DOCK8: variants seen among roughly 807,000 people sequenced by gnomAD.
DOCK8 encodes the protein dedicator of cytokinesis 8, also known as dedicator of cytokinesis protein 8.
DOCK8 carries 141 observed loss-of-function variants against 245.6 expected under a neutral mutation model. The ratio of observed to expected loss-of-function variants is 0.57; its 90% CI spans 0.50 to 0.66. DOCK8 has a LOEUF of 0.66. DOCK8 is among the 30% of genes least tolerant of loss of function. DOCK8 has a pLI of 0.00. For missense variants in DOCK8, 2,965 were observed against 2,603.4 expected (o/e 1.14, Z -3.02); for synonymous variants, 1,168 against 970.2 (o/e 1.20, Z -3.79).
At chr9:223,927 G>T (rs916951692) in intron 1 of DOCK8, among the ~76,000 whole-genome samples, 2 of 152,008 alleles carry the variant, frequency 1.3e-5, no homozygotes, top group Non-Finnish European at 2.9e-5. Context: ...ACAATATATG[G>T]TATAGCTTCT....
chr9:324,493 T>TA (rs1244085819), intron 7 of DOCK8, among the ~76,000 whole-genome samples: 1 of 152,166 alleles, frequency 6.6e-6, no homozygotes, highest in Non-Finnish European at 1.5e-5. Flanking sequence ...TCCACCAAGA[T>TA]ACTAAAGGCA....
chr9:227,698 G>C (rs1296338696), intron 1 of DOCK8, among the ~76,000 whole-genome samples: 1 of 152,160 alleles, frequency 6.6e-6, no homozygotes, highest in Non-Finnish European at 1.5e-5. Context: ...GGCATCAGTG[G>C]TAGGTCAGCA....
At chr9:451,250 G>A (rs1367446457) in intron 45 of DOCK8, among the ~76,000 whole-genome samples, 2 of 152,048 alleles carry the variant, frequency 1.3e-5, no homozygotes, top group African/African-American at 4.8e-5. Flanking sequence ...GGTGGAGGTT[G>A]TAGTGAGCTG....
intron 16 of DOCK8, 122 bp from the exon 17 acceptor site, chr9:371,301 AGTAAT>A: frequency 1.9e-6 from 2 of 1,062,936 alleles, no homozygotes; most frequent in South Asian, 2.6e-5. Flanking sequence ...TTCAGAGCAG[AGTAAT>A]GTAAAATGAA....
chr9:395,112 G>T (rs1175066216), intron 24 of DOCK8, among the ~76,000 whole-genome samples: 1 of 152,112 alleles, frequency 6.6e-6, no homozygotes, highest in East Asian at 1.9e-4. Context: ...GGACAAAAAT[G>T]GGTCCAGTTC....
intron 7 of DOCK8, among the ~76,000 whole-genome samples, 175 bp downstream of exon 7, chr9:317,303 T>C (rs2050389249): frequency 6.6e-6 from 1 of 152,210 alleles, no homozygotes; most frequent in Non-Finnish European, 1.5e-5. Flanking sequence ...GGATTTTTTT[T>C]CTACCAACTT....
intron 12 of DOCK8, among the ~76,000 whole-genome samples, chr9:337,557 C>T (rs547902687): frequency 9.9e-5 from 15 of 152,276 alleles, no homozygotes; most frequent in African/African-American, 3.6e-4. Context: ...ACTTTCACTA[C>T]TGCTTGATGT....
At chr9:283,364 G>C (rs956871684) in intron 2 of DOCK8, among the ~76,000 whole-genome samples, 1 of 152,186 alleles carries the variant, frequency 6.6e-6, no homozygotes, top group African/African-American at 2.4e-5. Flanking sequence ...TCACGTGATA[G>C]GTCACAGTCA....
intron 33 of DOCK8, among the ~76,000 whole-genome samples, chr9:422,954 C>A (rs2056334223): frequency 6.9e-6 from 1 of 145,890 alleles, no homozygotes; most frequent in Non-Finnish European, 1.5e-5. Context: ...CATTGCACTC[C>A]AGCCTGGGTG....
rs10966343 is a variant in DOCK8, at chr9:255,513, C to T, written c.54-16114C>T. Reference sequence around the variant, plus strand: ...TGAAACCCCATCTCTACTAAAAATACAAAAATTAGCCAGGCGTGGTGGCAC... The same window carrying T: ...TGAAACCCCATCTCTACTAAAAATATAAAAATTAGCCAGGCGTGGTGGCAC... On this transcript the variant is annotated intron_variant, in intron 1 of 47. Transcript: ENST00000432829. Among the ~76,000 whole-genome samples the T allele has an allele frequency of 6.4e-3, 973 of 151,868 alleles. 6 individuals carry two copies. The highest frequency in any genetic ancestry group is 0.022 in the African/African-American group (910 of 41,424).
intron 35 of DOCK8, 124 bp downstream of exon 35, chr9:428,620 C>T: frequency 1.6e-6 from 2 of 1,236,594 alleles, no homozygotes; most frequent in Non-Finnish European, 2.3e-6. Flanking sequence ...CAGTAAAGGT[C>T]TTAAGTCTTC....
At chr9:318,722 C>G (rs1165079631) in intron 7 of DOCK8, among the ~76,000 whole-genome samples, 9 of 152,218 alleles carry the variant, frequency 5.9e-5, no homozygotes, top group Non-Finnish European at 1.3e-4. Flanking sequence ...GCAGTGGGAG[C>G]TTCCTCATCT....
rs139698989 is a variant in DOCK8 at position 394,956 on chromosome 9, A to G, written c.2971-1829A>G. On this transcript the variant is annotated intron_variant, in intron 24 of 47. Transcript: ENST00000432829. ...TGTAGGATGGCCAAACTCAGCAGAC[A>G]GGAGCCAAATACAGCAGTGAGTTCT... Among the ~76,000 whole-genome samples the G allele has an allele frequency of 1.1e-4, 17 of 152,354 alleles. 1 individual carries two copies. The highest frequency in any genetic ancestry group is 4.1e-4 in the African/African-American group (17 of 41,582).
At chr9:344,800 C>G (rs1042701610) in intron 14 of DOCK8, among the ~76,000 whole-genome samples, 6 of 152,150 alleles carry the variant, frequency 3.9e-5, no homozygotes, top group Admixed American at 3.3e-4. Context: ...ATAATCCTAG[C>G]GCTTTCGGAG....
At chr9:255,478 G>C (rs2047746490) in intron 1 of DOCK8, among the ~76,000 whole-genome samples, 1 of 151,994 alleles carries the variant, frequency 6.6e-6, no homozygotes, top group South Asian at 2.1e-4. Flanking sequence ...GATCAGCCTG[G>C]CCAACATGGT....
At chr9:440,537 A>G (rs2057061294) in intron 40 of DOCK8, among the ~76,000 whole-genome samples, 3 of 152,092 alleles carry the variant, frequency 2.0e-5, no homozygotes, top group Admixed American at 1.3e-4. Context: ...TTCAAGATTC[A>G]GAAAATGTCT....
At chr9:279,118 G>C (rs994579947) in intron 2 of DOCK8, among the ~76,000 whole-genome samples, 3 of 152,206 alleles carry the variant, frequency 2.0e-5, no homozygotes, top group Non-Finnish European at 4.4e-5. Flanking sequence ...TAGAGTGTAG[G>C]AGAAAGAGAA....
intron 1 of DOCK8, among the ~76,000 whole-genome samples, chr9:261,012 G>A (rs948823088): frequency 6.6e-6 from 1 of 151,776 alleles, no homozygotes; most frequent in Non-Finnish European, 1.5e-5. Flanking sequence ...TATTACCCCG[G>A]GAGGCAGAGC....
Position 441,409 on chromosome 9 carries a change from G to C in DOCK8, c.5347G>C (p.Val1783Leu). The change falls in exon 41 of 48, where the codon GTT becomes CTT. Residue 1783 changes from valine to leucine, a missense_variant. Physicochemically the swap from Val to Leu is conservative, Grantham distance 32. Coordinates refer to ENST00000432829, the MANE Select transcript of DOCK8 (RefSeq NM_203447.4). The part of the protein sequence containing the change: ...SKLQRAFDSI[V>L]NKDHKRMFGT... ...GCTGCAGAGAGCCTTCGACAGCATC[G>C]TTAACAAGGTAGCCGGGGAGCCTGG... The C allele has an allele frequency of 6.2e-7, 1 of 1,614,178 alleles. No individual in the cohort carries two copies. Among genetic ancestry groups the C allele is most frequent in the Non-Finnish European group, 8.5e-7 (1 of 1,180,034 alleles).
Sources: allele counts gnomAD v4.1 joint callset (sites outside exome capture counted in the v4.1 genomes callset), GRCh38; gene constraint gnomAD v4.1.1; transcripts MANE v1.5; gene names NCBI Gene and HGNC (gene_info 2026-07-23, HGNC 2026-07-21).